Variants in TEAD4 observed in about 807,000 individuals in gnomAD.
TEAD4 encodes the protein TEA domain transcription factor 4, also known as transcriptional enhancer factor TEF-3.
TEAD4 carries 36 observed loss-of-function variants against 52.4 expected under a neutral mutation model. That is an observed-to-expected ratio of 0.69 (90% CI 0.53 to 0.91). TEAD4 has a LOEUF of 0.91. Among genes scored for constraint, TEAD4 ranks in the 40% least tolerant of loss-of-function variants. TEAD4 has a pLI of 0.00. For missense variants in TEAD4, 508 were observed against 583.9 expected (o/e 0.87, Z 1.34); for synonymous variants, 220 against 231.0 (o/e 0.95, Z 0.43).
In TEAD4 at chr12:2,994,597, C is replaced by A; in HGVS notation, c.-29-141C>A. ...GATGGGACCTGTTCAAGACCCCAGG[C>A]CTGATTCTCACAGATCTTTCACTTC... On this transcript the variant is annotated intron_variant, in intron 2 of 12. Transcript: ENST00000359864. The surrounding 1 kb of genome is among the most constrained non-coding windows in gnomAD (Gnocchi z 4.7). The A allele has an allele frequency of 8.6e-7, 1 of 1,167,182 alleles. No individual in the cohort carries two copies. The highest frequency in any genetic ancestry group is 1.2e-6 in the Non-Finnish European group (1 of 859,010). 72.3% of individuals were successfully genotyped at this position (1,167,182 alleles called of 1,614,324 possible).
intron 3 of TEAD4, among the ~76,000 whole-genome samples, chr12:3,007,339 A>C (rs938278880): frequency 6.6e-6 from 1 of 152,232 alleles, no homozygotes; most frequent in African/African-American, 2.4e-5. Context: ...AGGAGGTTCC[A>C]TTAACTAAGC....
chr12:3,018,494 GC>G (rs2098266227), intron 6 of TEAD4, 50 bp from the exon 7 acceptor site: 1 of 1,612,450 alleles, frequency 6.2e-7, no homozygotes. Flanking sequence ...ACACCACAGG[GC>G]CCCGGGTGCA....
intron 2 of TEAD4, among the ~76,000 whole-genome samples, chr12:2,980,798 C>T (rs1048949472): frequency 5.3e-5 from 8 of 151,008 alleles, no homozygotes; most frequent in Non-Finnish European, 8.8e-5. Flanking sequence ...CAGTGACTCA[C>T]GCCTGTAATC....
chr12:3,019,156 C>T lies in TEAD4; in HGVS notation c.569C>T (p.Pro190Leu), dbSNP rs779133956. The T allele has an allele frequency of 2.6e-5, 42 of 1,614,010 alleles. No homozygotes were observed. Among genetic ancestry groups the T allele is most frequent in the Middle Eastern group, 3.3e-4 (2 of 6,056 alleles). ...CAGCAAACCTATGCTGTCCAGCCTCCGCTGCCTCTGCCAGGTGGGTGGGCG... is the reference window on the plus strand; with the variant it reads ...CAGCAAACCTATGCTGTCCAGCCTCTGCTGCCTCTGCCAGGTGGGTGGGCG... The change falls in exon 8 of 13, where the codon CCG (proline) becomes CTG (leucine). Residue 190 changes from proline (P) to leucine (L), a missense_variant. Physicochemically the swap from Pro to Leu is moderately conservative, Grantham distance 98. Transcript: ENST00000359864.
intron 2 of TEAD4, among the ~76,000 whole-genome samples, chr12:2,975,281 T>C (rs2098228641): frequency 6.6e-6 from 1 of 151,822 alleles, no homozygotes; most frequent in African/African-American, 2.4e-5. Flanking sequence ...CCCCAGTCAG[T>C]TTCTCCTAGT....
chr12:3,007,780 G>A (rs377710901), intron 3 of TEAD4, among the ~76,000 whole-genome samples: 19 of 152,314 alleles, frequency 1.2e-4, no homozygotes, highest in Middle Eastern at 3.4e-3. Context: ...ATTGCTAAAT[G>A]TCTTAGGCCT....
chr12:2,965,056 C>T (rs2153952195), intron 2 of TEAD4, among the ~76,000 whole-genome samples: 1 of 152,260 alleles, frequency 6.6e-6, no homozygotes, highest in South Asian at 2.1e-4. Context: ...GGAGAGACAA[C>T]ACATGCTGTC....
chr12:2,960,441 C>A, intron 2 of TEAD4: 1 of 861,814 alleles, frequency 1.2e-6, no homozygotes, highest in Non-Finnish European at 1.4e-6. Context: ...GCTTGGGAAG[C>A]TGCTGTGTTT....
In TEAD4 at chr12:2,966,775, C is replaced by T. The variant is rs1017102641; in HGVS notation, c.-30+6735C>T. Among the ~76,000 whole-genome samples the T allele has an allele frequency of 8.8e-5, 13 of 147,544 alleles. No individual in the cohort carries two copies. The South Asian group carries it at 1.5e-3, about 17-fold the overall frequency. On this transcript the variant is annotated intron_variant, in intron 2 of 12. Coordinates refer to ENST00000359864, the MANE Select transcript of TEAD4 (RefSeq NM_003213.4). ...AGGCCGGAGTACAGTGGTGCGATCT[C>T]GGCTCACTGCAACCTCCGCCTCCTG...
intron 2 of TEAD4, among the ~76,000 whole-genome samples, chr12:2,974,056 G>A (rs1000148523): frequency 6.6e-6 from 1 of 152,078 alleles, no homozygotes; most frequent in Non-Finnish European, 1.5e-5. Flanking sequence ...CGCCCAGACC[G>A]GAGTGTAGTG....
Position 2,994,880 on chromosome 12 carries a change from C to A in TEAD4, c.114C>A (p.Asp38Glu). The stretch of plus-strand genomic sequence containing the variant: ...CACTGGACAAGCCCATCGACAATGA[C>A]GCAGAGGGCGTGTGGAGCCCGGATA... Residue 38 changes from aspartate (D) to glutamate (E), a missense_variant, in exon 3 of 13, where the codon GAC becomes GAA. Asp to Glu is a conservative substitution (Grantham distance 45). Transcript: ENST00000359864. The surrounding 1 kb of genome is among the most constrained non-coding windows in gnomAD (Gnocchi z 4.7). 3 of 1,614,154 alleles carry A rather than the reference C, an allele frequency of 1.9e-6. No homozygotes were observed. The highest frequency in any genetic ancestry group is 2.5e-6 in the Non-Finnish European group (3 of 1,180,030).
At chr12:2,971,346 G>GA (rs1300246281) in intron 2 of TEAD4, among the ~76,000 whole-genome samples, 2 of 152,154 alleles carry the variant, frequency 1.3e-5, no homozygotes, top group Non-Finnish European at 2.9e-5. Context: ...GAGAGGAAGA[G>GA]AAACAGAACT....
Position 2,991,003 on chromosome 12 carries a change from A to G in TEAD4, c.-29-3735A>G, listed in dbSNP as rs368754912. Among the ~76,000 whole-genome samples the G allele has an allele frequency of 4.6e-5, 7 of 152,254 alleles. No homozygotes were observed. In the East Asian group the frequency reaches 1.4e-3, roughly 29 times the overall value. Reference sequence around the variant, plus strand: ...AGTTCAAGACCAGCCTAGGCAACCTAGTGAGACCTCTGCAGTAAATACATA... The same window carrying G: ...AGTTCAAGACCAGCCTAGGCAACCTGGTGAGACCTCTGCAGTAAATACATA... On this transcript the variant is annotated intron_variant, in intron 2 of 12. Transcript: ENST00000359864.
At chr12:3,008,038 G>A (rs1477343076) in intron 3 of TEAD4, among the ~76,000 whole-genome samples, 5 of 152,152 alleles carry the variant, frequency 3.3e-5, no homozygotes, top group Non-Finnish European at 5.9e-5. Context: ...TCTAGGTGGT[G>A]GGTATAAATA....
chr12:3,002,674 C>T (rs962024446), intron 3 of TEAD4, among the ~76,000 whole-genome samples: 3 of 152,322 alleles, frequency 2.0e-5, no homozygotes, highest in African/African-American at 7.2e-5. Context: ...GGGATGAGAG[C>T]ACACAGTAGG....
chr12:3,007,704 A>G (rs966730679), intron 3 of TEAD4, among the ~76,000 whole-genome samples: 2 of 152,220 alleles, frequency 1.3e-5, no homozygotes, highest in African/African-American at 4.8e-5. Flanking sequence ...GAATGTGTCC[A>G]TTGCCCCCAA....
intron 2 of TEAD4, among the ~76,000 whole-genome samples, chr12:2,971,502 G>A (rs1052107989): frequency 1.3e-5 from 2 of 151,748 alleles, no homozygotes; most frequent in Non-Finnish European, 2.9e-5. Context: ...TTTTGACAGA[G>A]TCTCGCTCTG....
intron 5 of TEAD4, among the ~76,000 whole-genome samples, chr12:3,016,176 C>T (rs2098264333): frequency 6.6e-6 from 1 of 152,106 alleles, no homozygotes; most frequent in Non-Finnish European, 1.5e-5. Flanking sequence ...TGCAGGCACA[C>T]ACCACCACAC....
intron 2 of TEAD4, among the ~76,000 whole-genome samples, chr12:2,983,110 G>A (rs926144082): frequency 3.3e-5 from 5 of 152,134 alleles, no homozygotes; most frequent in African/African-American, 1.2e-4. Flanking sequence ...TTAGTGTCAG[G>A]TCCAGAAGAA....
Sources: allele counts gnomAD v4.1 joint callset (sites outside exome capture counted in the v4.1 genomes callset), GRCh38; gene constraint gnomAD v4.1.1; non-coding constraint Gnocchi (gnomAD v3.1); transcripts MANE v1.5; gene names NCBI Gene and HGNC (gene_info 2026-07-23, HGNC 2026-07-21).